NUP85: variants seen among roughly 807,000 people sequenced by gnomAD.
The protein encoded by NUP85 is nucleoporin 85.
Under a neutral mutation model 92.8 loss-of-function variants are expected in NUP85, and 23 were observed. The observed-to-expected ratio is 0.25, with a 90% CI of 0.18 to 0.35. NUP85 has a LOEUF of 0.35. NUP85 is among the 10% of genes least tolerant of loss of function. NUP85 has a pLI of 1.00. For missense variants in NUP85, 759 were observed against 822.8 expected (o/e 0.92, Z 0.95); for synonymous variants, 314 against 306.9 (o/e 1.02, Z -0.24).
intron 2 of NUP85, among the ~76,000 whole-genome samples, chr17:75,209,160 A>G (rs1187345201): frequency 1.3e-5 from 2 of 152,116 alleles, no homozygotes; most frequent in African/African-American, 2.4e-5. Flanking sequence ...AAAGTGACCA[A>G]ATTCCTATCA....
intron 7 of NUP85, among the ~76,000 whole-genome samples, chr17:75,220,878 A>ATT (rs71159457): frequency 0.017 from 1,647 of 97,464 alleles, 91 homozygotes; most frequent in Non-Finnish European, 0.024. Context: ...CACCATCCCA[A>ATT]TTTTTTTTTT....
intron 7 of NUP85, among the ~76,000 whole-genome samples, chr17:75,219,045 G>A (rs78800630): frequency 0.02 from 3,011 of 152,266 alleles, 35 homozygotes; most frequent in Non-Finnish European, 0.032. Flanking sequence ...TTTTCTATGT[G>A]TTAGGTATTT....
intron 9 of NUP85, 26 bp downstream of exon 9, chr17:75,225,490 C>G: frequency 6.2e-7 from 1 of 1,609,724 alleles, no homozygotes; most frequent in Non-Finnish European, 8.5e-7. Flanking sequence ...CAGATTGCAT[C>G]CATGTTGGCT....
chr17:75,219,329 T>C (rs147845892), intron 7 of NUP85, among the ~76,000 whole-genome samples: 1 of 152,142 alleles, frequency 6.6e-6, no homozygotes, highest in Non-Finnish European at 1.5e-5. Flanking sequence ...TGGGCGGGAG[T>C]GCAGTGATGC....
intron 7 of NUP85, among the ~76,000 whole-genome samples, chr17:75,224,848 TG>T (rs2075723948): frequency 8.0e-6 from 1 of 125,234 alleles, no homozygotes; most frequent in Non-Finnish European, 1.7e-5. Flanking sequence ...AAAAAAAAGG[TG>T]GTCACAGGCT....
intron 3 of NUP85, among the ~76,000 whole-genome samples, chr17:75,210,869 T>C (rs1173006019): frequency 6.6e-6 from 1 of 150,754 alleles, no homozygotes; most frequent in Non-Finnish European, 1.5e-5. Flanking sequence ...ATCCGGCTAA[T>C]TTTTTGTATT....
At chr17:75,209,750 T>A (rs2075200141) in intron 2 of NUP85, 73 bp from the exon 3 acceptor site, 1 of 1,348,670 alleles carries the variant, frequency 7.4e-7, no homozygotes, top group South Asian at 1.5e-5. Context: ...CCACAGAAAA[T>A]TTTTTTAGAG....
Position 75,209,814 on chromosome 17 carries a change from TGG to T in NUP85, c.128-8_128-7del, listed in dbSNP as rs1427461996. 2 of 1,573,922 alleles carry T rather than the reference TGG, an allele frequency of 1.3e-6. No individual in the cohort carries two copies. The highest frequency in any genetic ancestry group is 1.7e-4 in the Middle Eastern group (1 of 5,908). On this transcript the variant is annotated splice_polypyrimidine_tract_variant and splice_region_variant and intron_variant, in intron 2 of 18. Coordinates refer to ENST00000245544, the MANE Select transcript of NUP85 (RefSeq NM_024844.5). ...AGATGTTAAATTTTTTTTTTCTGTT[TGG>T]TTTCAGAAAAATCAGAGATGGTGCC...
Position 75,211,411 on chromosome 17 carries a change from A to T in NUP85, c.291-581A>T, listed in dbSNP as rs566420537. On this transcript the variant is annotated intron_variant, in intron 3 of 18. Coordinates refer to ENST00000245544, the MANE Select transcript of NUP85 (RefSeq NM_024844.5). Reference sequence around the variant, plus strand: ...AAAAGTCCTGTAATTCCTTGCTGGCAGGGGACCCTGTCTTATTCTTTTTTT... The same window carrying T: ...AAAAGTCCTGTAATTCCTTGCTGGCTGGGGACCCTGTCTTATTCTTTTTTT... 1.5e-3 allele frequency among the ~76,000 whole-genome samples: 209 copies of T among 141,306 alleles called. 1 individual carries two copies. The highest frequency in any genetic ancestry group is 0.011 in the Middle Eastern group (3 of 270). 92.7% of individuals were successfully genotyped at this position (141,306 alleles called of 152,430 possible). A position where few individuals can be genotyped will look rare whatever the true frequency, so the allele number is the denominator to read the frequency against.
At chr17:75,233,437 C>CTTTTTTTTTTTTTTTTTTTTTTT (rs60396796) in intron 16 of NUP85, among the ~76,000 whole-genome samples, 1 of 117,186 alleles carries the variant, frequency 8.5e-6, no homozygotes, top group African/African-American at 3.5e-5. Context: ...TTTATTTTTT[C>CTTTTTTTTTTTTTTTTTTTTTTT]TTTTTTTTTT....
chr17:75,227,984 A>G (rs2075888171), intron 11 of NUP85: 1 of 159,542 alleles, frequency 6.3e-6, no homozygotes, highest in Non-Finnish European at 1.3e-5. Context: ...GCCTGTAAAC[A>G]TTGTGAGAAG....
At chr17:75,226,257 C>A in intron 11 of NUP85, 100 bp downstream of exon 11, 2 of 826,530 alleles carry the variant, frequency 2.4e-6, no homozygotes, top group East Asian at 2.5e-5. Flanking sequence ...CCCTTCTTCC[C>A]TCAGACCTGC....
At chr17:75,234,588 G>A in intron 16 of NUP85, 49 bp from the exon 17 acceptor site, 2 of 1,602,248 alleles carry the variant, frequency 1.2e-6, no homozygotes, top group Non-Finnish European at 1.7e-6. Flanking sequence ...TGTCACTTGG[G>A]CAATTTGGGG....
intron 11 of NUP85, among the ~76,000 whole-genome samples, chr17:75,227,704 C>T (rs1194441176): frequency 6.6e-6 from 1 of 151,474 alleles, no homozygotes; most frequent in Non-Finnish European, 1.5e-5. Flanking sequence ...GTGGAGTGAT[C>T]TCAGCTCACT....
chr17:75,228,343 A>G (rs1417338810), intron 11 of NUP85: 8 of 985,310 alleles, frequency 8.1e-6, no homozygotes, highest in African/African-American at 1.7e-5. Flanking sequence ...CCCCAGTCTC[A>G]GCCTCTCTCC....
intron 6 of NUP85, among the ~76,000 whole-genome samples, chr17:75,217,925 A>T (rs1002688643): frequency 6.6e-6 from 1 of 152,208 alleles, no homozygotes; most frequent in African/African-American, 2.4e-5. Flanking sequence ...AGTGTGGGGT[A>T]GTGAGGTCTG....
At chr17:75,207,756 G>A (rs1445953942) in intron 1 of NUP85, among the ~76,000 whole-genome samples, 1 of 151,938 alleles carries the variant, frequency 6.6e-6, no homozygotes, top group Non-Finnish European at 1.5e-5. Flanking sequence ...GGGATTACAG[G>A]CATGAGCCAC....
At chr17:75,213,997 G>A (rs934789073) in intron 5 of NUP85, among the ~76,000 whole-genome samples, 3 of 150,340 alleles carry the variant, frequency 2.0e-5, no homozygotes, top group East Asian at 2.0e-4. Context: ...TCAGCCTCCC[G>A]AGTAGCTGGG....
chr17:75,214,948 T>G (rs8074320), intron 5 of NUP85, among the ~76,000 whole-genome samples: 148,569 of 151,928 alleles, frequency 0.98, 72,744 homozygotes, highest in South Asian at 1. Flanking sequence ...GAGGCAGGTG[T>G]ATCACGAGGT....
Sources: allele counts gnomAD v4.1 joint callset (sites outside exome capture counted in the v4.1 genomes callset), GRCh38; gene constraint gnomAD v4.1.1; transcripts MANE v1.5; gene names NCBI Gene and HGNC (gene_info 2026-07-23, HGNC 2026-07-21).